KLF8: variants seen among roughly 807,000 people sequenced by gnomAD.
KLF8 encodes KLF transcription factor 8.
KLF8 carries 10 observed loss-of-function variants against 18.2 expected under a neutral mutation model. That is an observed-to-expected ratio of 0.55 (90% CI 0.34 to 0.93). The LOEUF (loss-of-function observed/expected upper bound fraction) is 0.93, where lower values mean the gene tolerates loss of function less well. KLF8 is among the 40% of genes least tolerant of loss of function. The pLI is 0.02. For missense variants in KLF8, 264 were observed against 277.9 expected (o/e 0.95, Z 0.36); for synonymous variants, 109 against 97.3 (o/e 1.12, Z -0.71).
chrX:56,079,872 T>C, the KLF8 span, among the ~76,000 whole-genome samples: 2 of 111,822 alleles, frequency 1.8e-5, no homozygotes, highest in Non-Finnish European at 3.8e-5. Flanking sequence ...TTAGCTGTTC[T>C]TGTTGAATTG....
At chrX:56,259,638 A>G (rs895812957) in intron 2 of KLF8, among the ~76,000 whole-genome samples, 1 of 110,978 alleles carries the variant, frequency 9.0e-6, no homozygotes, top group African/African-American at 3.3e-5. Flanking sequence ...TTAGTCACTA[A>G]TGTGGTACCT....
In KLF8 at chrX:56,285,940, C is replaced by A. The variant is rs903486846; in HGVS notation, c.*1446C>A. On this transcript the variant is annotated 3_prime_UTR_variant, in exon 6 of 6. Coordinates refer to ENST00000468660, the MANE Select transcript of KLF8 (RefSeq NM_007250.5). ...TATTGAACACCTTTTTCTTTTCAAC[C>A]CTGCTTGAATACTTTAGGTTACTAT... 3 of 110,321 alleles carry A rather than the reference C, an allele frequency of 2.7e-5. No individual in the cohort carries two copies. Among genetic ancestry groups the A allele is most frequent in the Non-Finnish European group, 5.7e-5 (3 of 52,868 alleles). 9.1% of individuals were successfully genotyped at this position (110,321 alleles called of 1,213,427 possible). A position where few individuals can be genotyped will look rare whatever the true frequency, so the allele number is the denominator to read the frequency against.
At chrX:56,174,542 T>C in the KLF8 span, among the ~76,000 whole-genome samples, 3 of 112,011 alleles carry the variant, frequency 2.7e-5, no homozygotes, top group African/African-American at 9.7e-5. Flanking sequence ...ATCAAGGATA[T>C]TCGTCTAAAA....
At chrX:56,077,394 A>G in the KLF8 span, among the ~76,000 whole-genome samples, 1 of 112,126 alleles carries the variant, frequency 8.9e-6, no homozygotes, top group African/African-American at 3.2e-5. Context: ...TTTATTAAAT[A>G]GGGAATCCTT....
intron 1 of KLF8, among the ~76,000 whole-genome samples, chrX:56,235,674 C>G (rs1227140740): frequency 9.0e-6 from 1 of 110,909 alleles, no homozygotes; most frequent in African/African-American, 3.3e-5. Context: ...CCTCAGCCTC[C>G]CAAAGTGCTG....
the KLF8 span, among the ~76,000 whole-genome samples, chrX:56,086,139 G>A: frequency 3.6e-5 from 4 of 112,239 alleles, no homozygotes; most frequent in East Asian, 8.4e-4. Flanking sequence ...GCTTCTGTGC[G>A]GTGATTTGGG....
the KLF8 span, among the ~76,000 whole-genome samples, chrX:56,112,076 C>A: frequency 2.0e-4 from 22 of 111,677 alleles, no homozygotes; most frequent in Admixed American, 1.1e-3. Flanking sequence ...AGACTTGGAA[C>A]CAACCCAAAT....
chrX:55,997,395 C>T, the KLF8 span, among the ~76,000 whole-genome samples: 1 of 111,903 alleles, frequency 8.9e-6, no homozygotes, highest in Non-Finnish European at 1.9e-5. Context: ...TCCCAGCCAG[C>T]TCAAATGTCT....
the KLF8 span, among the ~76,000 whole-genome samples, chrX:56,100,613 A>G: frequency 9.0e-6 from 1 of 111,694 alleles, no homozygotes; most frequent in Non-Finnish European, 1.9e-5. Context: ...AGGGCAAAAT[A>G]TCAACATTAA....
chrX:56,154,982 C>T, the KLF8 span, among the ~76,000 whole-genome samples: 1 of 111,763 alleles, frequency 8.9e-6, no homozygotes, highest in Non-Finnish European at 1.9e-5. Context: ...TGTGGAGAAA[C>T]AGGAACACTT....
chrX:56,270,155 T>G (rs750715969), intron 4 of KLF8, 27 bp from the exon 5 acceptor site: 1 of 1,178,618 alleles, frequency 8.5e-7, no homozygotes, highest in East Asian at 3.0e-5. Context: ...AGTCACTGTT[T>G]GGCTTTATCT....
chrX:56,260,854 G>T (rs1467100600), intron 2 of KLF8, among the ~76,000 whole-genome samples: 2 of 111,792 alleles, frequency 1.8e-5, no homozygotes, highest in Admixed American at 1.9e-4. Context: ...TTTGGGAGGA[G>T]CCTAGGCTTT....
the KLF8 span, among the ~76,000 whole-genome samples, chrX:56,135,338 TG>T: frequency 9.0e-6 from 1 of 111,559 alleles, no homozygotes; most frequent in African/African-American, 3.3e-5. Flanking sequence ...TAAGAAAATG[TG>T]GCACATATAC....
upstream of KLF8, among the ~76,000 whole-genome samples, chrX:56,232,270 AGGCCAGCTCT>A (rs2066408723): frequency 9.0e-6 from 1 of 111,569 alleles, no homozygotes; most frequent in Non-Finnish European, 1.9e-5. Flanking sequence ...GCCGGAGGCG[AGGCCAGCTCT>A]GTCGGCCCAG....
the KLF8 span, among the ~76,000 whole-genome samples, chrX:56,185,175 T>A: frequency 8.9e-6 from 1 of 111,862 alleles, no homozygotes; most frequent in Admixed American, 9.5e-5. Context: ...GGAGAAGTGG[T>A]TAAAGCAGCG....
chrX:56,234,469 C>T (rs2066448816), intron 1 of KLF8, among the ~76,000 whole-genome samples: 1 of 112,263 alleles, frequency 8.9e-6, no homozygotes, highest in Non-Finnish European at 1.9e-5. Context: ...CAGTTTGGAA[C>T]TATTTTTCTG....
the KLF8 span, among the ~76,000 whole-genome samples, chrX:56,191,164 G>A: frequency 1.8e-5 from 2 of 111,688 alleles, no homozygotes; most frequent in Non-Finnish European, 3.8e-5. Context: ...AGGATCATTA[G>A]TGGCTACTAT....
chrX:56,218,792 T>C, the KLF8 span, among the ~76,000 whole-genome samples: 1 of 112,062 alleles, frequency 8.9e-6, no homozygotes, highest in Non-Finnish European at 1.9e-5. Context: ...AAAGGCTTTT[T>C]GAGGATTAGA....
the KLF8 span, among the ~76,000 whole-genome samples, chrX:56,006,161 C>T: frequency 2.7e-5 from 3 of 112,343 alleles, no homozygotes; most frequent in Admixed American, 2.8e-4. Context: ...CATTTCCACA[C>T]CAGACCCTCT....
Sources: gnomAD v4.1 joint callset for allele counts (sites outside exome capture counted in the v4.1 genomes callset) on GRCh38, gnomAD v4.1.1 for gene constraint, MANE v1.5 for transcripts, NCBI Gene and HGNC (gene_info 2026-07-23, HGNC 2026-07-21) for gene names.